TMEM41B: variants seen among roughly 807,000 people sequenced by gnomAD.
TMEM41B encodes protein stasimon.
TMEM41B carries 18 observed loss-of-function variants against 31.9 expected under a neutral mutation model. The ratio of observed to expected loss-of-function variants is 0.56; its 90% CI spans 0.39 to 0.84. The LOEUF (loss-of-function observed/expected upper bound fraction) is 0.84. Ranked by LOEUF, TMEM41B falls within the 40% of genes least tolerant of loss-of-function variation. The pLI is 0.00. For synonymous variants in TMEM41B, 144 were observed against 124.3 expected, an observed-to-expected ratio of 1.16 and a Z score of -1.05; for missense variants, 322 against 348.0, an observed-to-expected ratio of 0.93 and a Z score of 0.59.
intron 3 of TMEM41B, among the ~76,000 whole-genome samples, chr11:9,293,431 G>A (rs890529651): frequency 2.7e-5 from 4 of 148,350 alleles, no homozygotes; most frequent in African/African-American, 7.4e-5. Flanking sequence ...AATATAACAA[G>A]ATACTTATGT....
intron 3 of TMEM41B, among the ~76,000 whole-genome samples, chr11:9,293,057 GA>G (rs1852995737): frequency 6.6e-6 from 1 of 152,076 alleles, no homozygotes; most frequent in Non-Finnish European, 1.5e-5. Flanking sequence ...CCTACGCTAA[GA>G]AAAGTTTCAG....
chr11:9,295,609 A>C (rs1340274778), intron 2 of TMEM41B, among the ~76,000 whole-genome samples: 2 of 152,148 alleles, frequency 1.3e-5, no homozygotes, highest in Non-Finnish European at 2.9e-5. Flanking sequence ...ATCTCAGCTC[A>C]CGGCAATCTC....
chr11:9,297,136 G>C (rs1235322891), intron 2 of TMEM41B, among the ~76,000 whole-genome samples: 1 of 152,126 alleles, frequency 6.6e-6, no homozygotes, highest in African/African-American at 2.4e-5. Flanking sequence ...CCAGGTTGGA[G>C]TGCAGTGGCG....
chr11:9,311,556 G>A, intron 1 of TMEM41B: 1 of 1,199,882 alleles, frequency 8.3e-7, no homozygotes, highest in Non-Finnish European at 1.2e-6. Context: ...CGGAGCTCCT[G>A]GGGGAGGAGG....
chr11:9,299,345 C>CACACACAT (rs201083248), intron 2 of TMEM41B, among the ~76,000 whole-genome samples: 5 of 144,152 alleles, frequency 3.5e-5, no homozygotes, highest in Admixed American at 1.4e-4. Context: ...CACACACACA[C>CACACACAT]GTGTGTGTAT....
Position 9,314,501 on chromosome 11 carries a change from T to C in TMEM41B, c.-60A>G. ...GCGCCCCCTAAACAACAAAACTCTG[T>C]TGCAGGCTCCTTACTACGCCGAAGC... On this transcript the variant is annotated 5_prime_UTR_variant, in exon 1 of 7. Coordinates refer to ENST00000528080, the MANE Select transcript of TMEM41B (RefSeq NM_015012.4). 6.7e-7 allele frequency: 1 copy of C among 1,500,622 alleles called. No individual in the cohort carries two copies. Among genetic ancestry groups the C allele is most frequent in the South Asian group, 1.3e-5 (1 of 79,240 alleles). 93.0% of individuals were successfully genotyped at this position (1,500,622 alleles called of 1,614,324 possible).
intron 3 of TMEM41B, among the ~76,000 whole-genome samples, chr11:9,288,859 T>G (rs914148083): frequency 7.9e-5 from 12 of 152,192 alleles, no homozygotes; most frequent in African/African-American, 2.9e-4. Flanking sequence ...TCCCAAATGT[T>G]TTCAGGGAAA....
At chr11:9,314,234 C>G (rs1853633527) in intron 1 of TMEM41B, 87 bp downstream of exon 1, 2 of 1,432,682 alleles carry the variant, frequency 1.4e-6, no homozygotes, top group Admixed American at 5.0e-5. Flanking sequence ...TTCCCCGCGA[C>G]TCTCCGAGAA....
intron 3 of TMEM41B, among the ~76,000 whole-genome samples, chr11:9,294,194 A>C (rs1590377329): frequency 3.7e-5 from 2 of 54,744 alleles, no homozygotes; most frequent in Non-Finnish European, 1.1e-4. Flanking sequence ...AAAAAAAAAA[A>C]AAAAAAAAAA....
chr11:9,293,532 TTG>T (rs1853006626), intron 3 of TMEM41B, among the ~76,000 whole-genome samples: 1 of 152,248 alleles, frequency 6.6e-6, no homozygotes, highest in Non-Finnish European at 1.5e-5. Flanking sequence ...TATCTGTATA[TTG>T]TGAGTTAATA....
At chr11:9,288,315 C>T in intron 4 of TMEM41B, 127 bp downstream of exon 4, 1 of 648,478 alleles carries the variant, frequency 1.5e-6, no homozygotes, top group African/African-American at 1.9e-5. Context: ...TGTGGAGGGA[C>T]TTTAACATTA....
chr11:9,313,732 TTA>T (rs1853618513), intron 1 of TMEM41B, among the ~76,000 whole-genome samples: 1 of 152,188 alleles, frequency 6.6e-6, no homozygotes, highest in Admixed American at 6.5e-5. Flanking sequence ...TTTACGTGAA[TTA>T]TTTCGTTTAA....
At chr11:9,308,116 G>A (rs936336963) in intron 1 of TMEM41B, among the ~76,000 whole-genome samples, 1 of 152,192 alleles carries the variant, frequency 6.6e-6, no homozygotes, top group Non-Finnish European at 1.5e-5. Flanking sequence ...GGAGGCTGAG[G>A]TGGACACATC....
At position 9,314,343 on chromosome 11, in the gene TMEM41B, A is replaced by G. The variant is rs1422174756; in HGVS notation, c.99T>C (p.Pro33=). ...GAAGTRGLAA[P]GSRDHQKEKS... ...CACCCTTCTGGTGGTCTCTGCTGCC[A>G]GGCGCCGCGAGACCCCGCGTCCCCG... The change falls in exon 1 of 7, where the codon CCT becomes CCC. Residue 33 remains proline, a synonymous_variant. Transcript: ENST00000528080. The G allele has an allele frequency of 1.3e-6, 2 of 1,595,156 alleles. No individual in the cohort carries two copies. Among genetic ancestry groups the G allele is most frequent in the Admixed American group, 3.4e-5 (2 of 58,808 alleles).
At position 9,314,368 on chromosome 11, in the gene TMEM41B, G is replaced by A; in HGVS notation, c.74C>T (p.Ala25Val). 6.3e-7 allele frequency: 1 copy of A among 1,585,498 alleles called. No homozygotes were observed. The highest frequency in any genetic ancestry group is 8.6e-7 in the Non-Finnish European group (1 of 1,167,252). The change falls in exon 1 of 7, where the codon GCG becomes GTG. Residue 25 changes from alanine to valine, a missense_variant. Around this residue, in one of 3 missense-constraint regions of TMEM41B, gnomAD observed 183 missense variants for 175.3 expected, o/e 1.04. Transcript: ENST00000528080. ...HHTTPVGDGA[A>V]GTRGLAAPGS... is the part of the protein sequence containing the mutation. ...AGGCGCCGCGAGACCCCGCGTCCCCGCTGCCCCGTCCCCCACGGGGGTCGT... is the reference window on the plus strand; with the variant it reads ...AGGCGCCGCGAGACCCCGCGTCCCCACTGCCCCGTCCCCCACGGGGGTCGT...
chr11:9,297,007 C>T (rs1235689297), intron 2 of TMEM41B, among the ~76,000 whole-genome samples: 2 of 152,190 alleles, frequency 1.3e-5, no homozygotes, highest in African/African-American at 4.8e-5. Flanking sequence ...AATATTACCT[C>T]CATCTCCTAG....
At chr11:9,290,655 A>T (rs1852937691) in intron 3 of TMEM41B, among the ~76,000 whole-genome samples, 1 of 152,080 alleles carries the variant, frequency 6.6e-6, no homozygotes, top group Non-Finnish European at 1.5e-5. Context: ...ATAAATGAGG[A>T]CAAGTTCCCA....
intron 3 of TMEM41B, among the ~76,000 whole-genome samples, chr11:9,289,661 C>T (rs749341072): frequency 2.6e-5 from 4 of 152,202 alleles, no homozygotes; most frequent in African/African-American, 7.2e-5. Context: ...ATTCTCTCCT[C>T]GTTCCCTGTG....
chr11:9,292,643 CA>C (rs1426725276), intron 3 of TMEM41B, among the ~76,000 whole-genome samples: 2 of 151,932 alleles, frequency 1.3e-5, no homozygotes, highest in Non-Finnish European at 2.9e-5. Context: ...CCAGCCTGGG[CA>C]ACATGATGAA....
Sources: gnomAD v4.1 joint callset for allele counts (sites outside exome capture counted in the v4.1 genomes callset) on GRCh38, gnomAD v4.1.1 for gene constraint, gnomAD v4.1.1 regional missense constraint, MANE v1.5 for transcripts, NCBI Gene and HGNC (gene_info 2026-07-23, HGNC 2026-07-21) for gene names.